The following CSMD1 variants were observed in gnomAD, a reference collection of about 807,000 sequenced individuals.
CSMD1 encodes the protein CUB and Sushi multiple domains 1.
A neutral mutation model predicts 417.5 loss-of-function variants in CSMD1; 213 were observed. The ratio of observed to expected loss-of-function variants is 0.51; its 90% CI spans 0.46 to 0.57. The LOEUF is 0.57. Ranked by LOEUF, CSMD1 falls within the 20% of genes least tolerant of loss-of-function variation. The pLI is 0.00. For missense variants in CSMD1, 6,923 were observed against 4,529.7 expected (o/e 1.53, Z -15.17); for synonymous variants, 2,862 against 1,736.8 (o/e 1.65, Z -16.11).
At chr8:4,824,082 CCACA>C (rs34597770) in intron 1 of CSMD1, among the ~76,000 whole-genome samples, 8,521 of 147,376 alleles carry the variant, frequency 0.058, 244 homozygotes, top group Non-Finnish European at 0.063. Flanking sequence ...AAATAAATAT[CCACA>C]CACACACACA....
chr8:3,425,128 T>A (rs1222024628), intron 12 of CSMD1, among the ~76,000 whole-genome samples: 1 of 152,224 alleles, frequency 6.6e-6, no homozygotes, highest in Non-Finnish European at 1.5e-5. Context: ...TCCTATTTTA[T>A]CATTAGTCAT....
chr8:3,720,054 A>G (rs1423546392), intron 6 of CSMD1, among the ~76,000 whole-genome samples: 1 of 152,224 alleles, frequency 6.6e-6, no homozygotes, highest in Non-Finnish European at 1.5e-5. Context: ...CACAAAGTGC[A>G]TGGAAAATAC....
intron 3 of CSMD1, among the ~76,000 whole-genome samples, chr8:4,070,148 T>G (rs577539248): frequency 1.3e-5 from 2 of 152,136 alleles, no homozygotes; most frequent in African/African-American, 4.8e-5. Flanking sequence ...TTATTTTTTT[T>G]AAAATGTATA....
chr8:4,401,541 C>T (rs1039859855), intron 3 of CSMD1, among the ~76,000 whole-genome samples: 1 of 152,120 alleles, frequency 6.6e-6, no homozygotes, highest in African/African-American at 2.4e-5. Flanking sequence ...AGCAGTAGCT[C>T]CCCTGTCTGA....
intron 1 of CSMD1, among the ~76,000 whole-genome samples, chr8:4,677,729 G>A (rs936120659): frequency 1.3e-5 from 2 of 152,020 alleles, no homozygotes; most frequent in African/African-American, 4.8e-5. Flanking sequence ...AGAGTTCTTG[G>A]CAGGCAACAG....
intron 7 of CSMD1, among the ~76,000 whole-genome samples, chr8:3,618,282 G>A (rs556312542): frequency 2.7e-4 from 41 of 152,242 alleles, no homozygotes; most frequent in Non-Finnish European, 5.1e-4. Context: ...TGGGGTTACA[G>A]ACATGTGCAA....
At chr8:4,422,295 G>C (rs1797291349) in intron 2 of CSMD1, among the ~76,000 whole-genome samples, 2 of 152,012 alleles carry the variant, frequency 1.3e-5, no homozygotes, top group African/African-American at 4.8e-5. Context: ...TTGTGGCATT[G>C]ACACTACCCT....
chr8:3,591,588 A>G (rs1301817410), intron 8 of CSMD1, among the ~76,000 whole-genome samples: 1 of 152,198 alleles, frequency 6.6e-6, no homozygotes, highest in African/African-American at 2.4e-5. Flanking sequence ...GATTACACTA[A>G]TCTACTGACT....
chr8:3,756,398 T>C (rs994491393), intron 5 of CSMD1, among the ~76,000 whole-genome samples: 2 of 151,054 alleles, frequency 1.3e-5, no homozygotes, highest in African/African-American at 4.9e-5. Flanking sequence ...TAAAAATCAA[T>C]AATTATTTTT....
intron 5 of CSMD1, among the ~76,000 whole-genome samples, chr8:3,820,729 C>T (rs1412293564): frequency 2.0e-5 from 3 of 152,130 alleles, no homozygotes; most frequent in African/African-American, 7.2e-5. Flanking sequence ...GCATGCGCCA[C>T]CGTGCCTGGC....
chr8:4,212,934 C>G (rs557794743), intron 3 of CSMD1, among the ~76,000 whole-genome samples: 1 of 152,140 alleles, frequency 6.6e-6, no homozygotes, highest in Admixed American at 6.5e-5. Context: ...TCCCAACTAG[C>G]TTTCCTTCCC....
chr8:4,227,454 C>T (rs1235007758), intron 3 of CSMD1, among the ~76,000 whole-genome samples: 4 of 152,114 alleles, frequency 2.6e-5, no homozygotes, highest in Non-Finnish European at 4.4e-5. Context: ...GTATGACATT[C>T]AGAACAAGAA....
chr8:4,356,078 T>C (rs1161992220), intron 3 of CSMD1, among the ~76,000 whole-genome samples: 1 of 152,158 alleles, frequency 6.6e-6, no homozygotes, highest in Non-Finnish European at 1.5e-5. Context: ...CACTGCACCA[T>C]ATATGTTGTC....
At chr8:4,136,565 A>C (rs1470336910) in intron 3 of CSMD1, among the ~76,000 whole-genome samples, 2 of 152,212 alleles carry the variant, frequency 1.3e-5, no homozygotes, top group Non-Finnish European at 2.9e-5. Context: ...AAATGCCTCT[A>C]ATTTACAGTA....
chr8:4,338,005 G>A (rs990636300), intron 3 of CSMD1, among the ~76,000 whole-genome samples: 3 of 151,972 alleles, frequency 2.0e-5, no homozygotes, highest in Admixed American at 1.3e-4. Flanking sequence ...CCCAAATAGA[G>A]GTGTTCTGAG....
intron 3 of CSMD1, among the ~76,000 whole-genome samples, chr8:4,081,040 C>T (rs1392642635): frequency 2.6e-5 from 4 of 152,096 alleles, no homozygotes; most frequent in African/African-American, 7.2e-5. Context: ...CATGGAGGGA[C>T]ACAAAGTTCA....
At chr8:3,541,037 C>A (rs1373685815) in intron 10 of CSMD1, among the ~76,000 whole-genome samples, 1 of 152,062 alleles carries the variant, frequency 6.6e-6, no homozygotes, top group African/African-American at 2.4e-5. Context: ...GGGTATATAC[C>A]CAAAGGAATA....
intron 37 of CSMD1, among the ~76,000 whole-genome samples, chr8:3,175,981 T>C (rs1202440947): frequency 1.3e-5 from 2 of 152,162 alleles, no homozygotes; most frequent in African/African-American, 2.4e-5. Flanking sequence ...AACAGTCTTT[T>C]GCTTGAGTTC....
chr8:4,312,424 C>G (rs373076009), intron 3 of CSMD1, among the ~76,000 whole-genome samples: 2 of 102,696 alleles, frequency 1.9e-5, no homozygotes, highest in African/African-American at 9.2e-5. Flanking sequence ...TATATATGCG[C>G]GTATATATAT....
Sources: gnomAD v4.1 joint callset for allele counts (sites outside exome capture counted in the v4.1 genomes callset) on GRCh38, gnomAD v4.1.1 for gene constraint, MANE v1.5 for transcripts, NCBI Gene and HGNC (gene_info 2026-07-23, HGNC 2026-07-21) for gene names.